Variants in CACNG6 observed in about 807,000 individuals in gnomAD.
CACNG6 encodes calcium voltage-gated channel auxiliary subunit gamma 6, also known as voltage-dependent calcium channel gamma-6 subunit.
Under a neutral mutation model 23.9 loss-of-function variants are expected in CACNG6, and 21 were observed. That is an observed-to-expected ratio of 0.88 (90% confidence interval 0.62 to 1.26). The LOEUF is 1.26. Among genes scored for constraint, CACNG6 ranks in the 50% most tolerant of loss-of-function variants. The pLI is 0.00. For synonymous variants in CACNG6, 182 were observed against 168.9 expected, an observed-to-expected ratio of 1.08 and a Z score of -0.60; for missense variants, 340 against 352.9, an observed-to-expected ratio of 0.96 and a Z score of 0.29.
chr19:53,994,922 C>T (rs1025629059), intron 1 of CACNG6, among the ~76,000 whole-genome samples: 66 of 152,270 alleles, frequency 4.3e-4, no homozygotes, highest in African/African-American at 1.4e-3. Context: ...AAATGGGAGT[C>T]CCCAGTAATA....
At position 53,992,921 on chromosome 19, in the gene CACNG6, G is replaced by T. The variant is rs904562967; in HGVS notation, c.44G>T (p.Arg15Leu). Residue 15 changes from arginine to leucine, a missense_variant, in exon 1 of 4, where the codon CGG becomes CTG. Physicochemically the swap from Arg to Leu is moderately radical, Grantham distance 102. Coordinates refer to ENST00000252729, the MANE Select transcript of CACNG6 (RefSeq NM_145814.2). This position sits in a 1 kb window ranked among gnomAD's most constrained non-coding sequence, Gnocchi z 4.1. ...TTCCTGCAAGAGGAGAACCGGCGGC[G>T]GGGGGCCGCGGGCCGGCGGCGGGCG... ...NFFLQEENRR[R>L]GAAGRRRAHG... 7.1e-6 allele frequency: 10 copies of T among 1,398,936 alleles called. No homozygotes were observed. Among genetic ancestry groups the T allele is most frequent in the Admixed American group, 6.2e-5 (2 of 32,496 alleles). 86.7% of individuals were successfully genotyped at this position (1,398,936 alleles called of 1,614,324 possible). A position where few individuals can be genotyped will look rare whatever the true frequency, so the allele number is the denominator to read the frequency against.
chr19:54,003,822 T>C (rs1040562072), intron 3 of CACNG6, among the ~76,000 whole-genome samples: 1 of 152,178 alleles, frequency 6.6e-6, no homozygotes, highest in Non-Finnish European at 1.5e-5. Context: ...CTCAAGTCCA[T>C]TCTCCACAGA....
intron 1 of CACNG6, 122 bp downstream of exon 1, chr19:53,993,330 C>A: frequency 2.9e-6 from 3 of 1,025,200 alleles, no homozygotes; most frequent in Non-Finnish European, 4.1e-6. Context: ...AGACAGCTTG[C>A]CTCGCAGTAA....
chr19:53,994,344 C>T (rs2069499568), intron 1 of CACNG6, among the ~76,000 whole-genome samples: 1 of 152,134 alleles, frequency 6.6e-6, no homozygotes, highest in Admixed American at 6.5e-5. Context: ...GACATTTCAG[C>T]GTTTCTCATT....
At position 54,002,275 on chromosome 19, in the gene CACNG6, G is replaced by GTTTTTTTTTTTTT. The variant is rs1174799698; in HGVS notation, c.544+2512_544+2513insTTTTTTTTTTTTT. Among the ~76,000 whole-genome samples the GTTTTTTTTTTTTT allele has an allele frequency of 1.7e-4, 20 of 116,428 alleles. 1 individual carries two copies. Among genetic ancestry groups the GTTTTTTTTTTTTT allele is most frequent in the African/African-American group, 6.0e-4 (13 of 21,584 alleles). 76.4% of individuals were successfully genotyped at this position (116,428 alleles called of 152,430 possible). ...AGCCCGGCTAATTTTCGGTTTTTTT[G>GTTTTTTTTTTTTT]TTTTTTTTGTTTTTTTTTTTTTTGT... On this transcript the variant is annotated intron_variant, in intron 3 of 3. Coordinates refer to ENST00000252729, the MANE Select transcript of CACNG6 (RefSeq NM_145814.2).
chr19:53,997,731 A>G (rs1006597682), intron 1 of CACNG6, among the ~76,000 whole-genome samples: 1 of 152,162 alleles, frequency 6.6e-6, no homozygotes, highest in African/African-American at 2.4e-5. Flanking sequence ...ATTACTATTC[A>G]TACCCTTTGC....
rs1031016059 is a variant in CACNG6 at position 54,004,014 on chromosome 19, C to T, written c.544+4243C>T. ...GGGACCACAGGCACACGTCACCACT[C>T]TGGGCTAATTTTTAAAATTATTTGC... On this transcript the variant is annotated intron_variant, in intron 3 of 3. Coordinates refer to ENST00000252729, the MANE Select transcript of CACNG6 (RefSeq NM_145814.2). 2.6e-5 allele frequency among the ~76,000 whole-genome samples: 4 copies of T among 152,230 alleles called. No individual in the cohort carries two copies. In the South Asian group the frequency reaches 8.3e-4, roughly 32 times the overall value.
intron 1 of CACNG6, among the ~76,000 whole-genome samples, chr19:53,997,625 G>A (rs2069533708): frequency 6.6e-6 from 1 of 152,142 alleles, no homozygotes; most frequent in Non-Finnish European, 1.5e-5. Flanking sequence ...GGGAAGTGGT[G>A]GCTCCCTGCT....
upstream of CACNG6, among the ~76,000 whole-genome samples, chr19:53,991,168 G>T (rs756106309): frequency 1.0e-4 from 15 of 148,438 alleles, no homozygotes; most frequent in Middle Eastern, 3.5e-3. Context: ...AGGAGACCAG[G>T]TTCCTCTCCT....
intron 1 of CACNG6, among the ~76,000 whole-genome samples, chr19:53,997,211 T>A (rs2069529265): frequency 6.6e-6 from 1 of 152,120 alleles, no homozygotes; most frequent in Admixed American, 6.6e-5. Flanking sequence ...ATATTAATTA[T>A]CATTATTGTT....
intron 3 of CACNG6, among the ~76,000 whole-genome samples, chr19:54,001,443 C>A (rs1323121006): frequency 1.3e-5 from 2 of 152,188 alleles, no homozygotes; most frequent in Admixed American, 1.3e-4. Context: ...CCCACCTTGG[C>A]CTCCCAAAGT....
At position 54,012,111 on chromosome 19, in the gene CACNG6, C is replaced by T. The variant is rs1331327655; in HGVS notation, c.705C>T (p.Ala235=). 10 of 1,566,594 alleles carry T rather than the reference C, an allele frequency of 6.4e-6. No individual in the cohort carries two copies. The highest frequency in any genetic ancestry group is 1.7e-4 in the Middle Eastern group (1 of 5,856). ...CCGGCCTGATCCTGCTGTTGGGGGC[C>T]GGCTGCTTTCTGCTGCTCACACTGC... The part of the protein sequence containing the change: ...VGAGLILLLG[A]GCFLLLTLPS... Residue 235 remains alanine (A), a synonymous_variant, in exon 4 of 4, where the codon GCC becomes GCT. Coordinates refer to ENST00000252729, the MANE Select transcript of CACNG6 (RefSeq NM_145814.2).
Position 53,993,186 on chromosome 19 carries a change from C to T in CACNG6, c.309C>T (p.Cys103=). The T allele has an allele frequency of 6.5e-7, 1 of 1,541,890 alleles. No individual in the cohort carries two copies. The highest frequency in any genetic ancestry group is 8.7e-7 in the Non-Finnish European group (1 of 1,145,790). The part of the protein sequence containing the change: ...QADVPVDRDT[C]GPAELPGEAN... Reference sequence around the variant, plus strand: ...ACGTGCCCGTGGACAGGGACACCTGCGGCCCCGCGGAGCTGCCCGGAGGTG... The same window carrying T: ...ACGTGCCCGTGGACAGGGACACCTGTGGCCCCGCGGAGCTGCCCGGAGGTG... The change falls in exon 1 of 4, where the codon TGC becomes TGT. Residue 103 remains cysteine (C), a synonymous_variant. Coordinates refer to ENST00000252729, the MANE Select transcript of CACNG6 (RefSeq NM_145814.2).
chr19:54,002,630 A>T, intron 3 of CACNG6, among the ~76,000 whole-genome samples: 1 of 152,128 alleles, frequency 6.6e-6, no homozygotes, highest in Non-Finnish European at 1.5e-5. Flanking sequence ...GTAGCTTGCT[A>T]GGAATTTAGT....
At chr19:54,006,115 TAAATA>T (rs1337648172) in intron 3 of CACNG6, among the ~76,000 whole-genome samples, 1 of 150,682 alleles carries the variant, frequency 6.6e-6, no homozygotes, top group African/African-American at 2.4e-5. Flanking sequence ...AATAAATAAA[TAAATA>T]AAATAAGAAA....
intron 1 of CACNG6, among the ~76,000 whole-genome samples, chr19:53,997,758 TTCTC>T (rs902107314): frequency 2.6e-5 from 4 of 152,126 alleles, no homozygotes; most frequent in African/African-American, 7.2e-5. Context: ...GTCAACTGGG[TTCTC>T]TCTCTCTTCT....
At chr19:54,006,405 A>G (rs1336792429) in intron 3 of CACNG6, among the ~76,000 whole-genome samples, 8 of 152,008 alleles carry the variant, frequency 5.3e-5, no homozygotes, top group Non-Finnish European at 1.0e-4. Context: ...CAACGCGTCC[A>G]CAGGGAAGTT....
intron 1 of CACNG6, among the ~76,000 whole-genome samples, chr19:53,994,766 G>C (rs891485612): frequency 6.6e-6 from 1 of 152,106 alleles, no homozygotes; most frequent in Non-Finnish European, 1.5e-5. Context: ...CCAAGCCCTC[G>C]ATAGGACAGT....
At chr19:53,993,810 C>T (rs1568810514) in intron 1 of CACNG6, among the ~76,000 whole-genome samples, 1 of 151,658 alleles carries the variant, frequency 6.6e-6, no homozygotes, top group Non-Finnish European at 1.5e-5. Flanking sequence ...AGGCTATGGT[C>T]CCAGATGATT....
Sources: allele counts gnomAD v4.1 joint callset (sites outside exome capture counted in the v4.1 genomes callset), GRCh38; gene constraint gnomAD v4.1.1; non-coding constraint Gnocchi (gnomAD v3.1); transcripts MANE v1.5; gene names NCBI Gene and HGNC (gene_info 2026-07-23, HGNC 2026-07-21).